Variants in FOXP1 observed in about 807,000 individuals in gnomAD.
FOXP1 encodes forkhead box protein P1.
FOXP1 carries 15 observed loss-of-function variants against 98.2 expected under a neutral mutation model. That is an observed-to-expected ratio of 0.15 (90% CI 0.10 to 0.24). FOXP1 has a LOEUF of 0.24. Ranked by LOEUF, FOXP1 falls within the 10% of genes least tolerant of loss-of-function variation. FOXP1 has a pLI of 1.00. For missense variants in FOXP1, 633 were observed against 848.5 expected, an observed-to-expected ratio of 0.75 and a Z score of 3.15; for synonymous variants, 371 against 314.5, an observed-to-expected ratio of 1.18 and a Z score of -1.90.
At chr3:71,136,498 C>A (rs1054733624) in intron 6 of FOXP1, among the ~76,000 whole-genome samples, 55 of 152,068 alleles carry the variant, frequency 3.6e-4, no homozygotes, top group African/African-American at 1.3e-3. Context: ...GCCTTGCCTG[C>A]AAAAGGTAAT....
rs1553780525 is a variant in FOXP1, at chr3:71,208,536, T to TTGTGTGTGTGTGTGTG, written c.-11-10160_-11-10145dup. On this transcript the variant is annotated intron_variant, in intron 5 of 20. Coordinates refer to ENST00000649528, the MANE Select transcript of FOXP1 (RefSeq NM_001349338.3). Reference sequence around the variant, plus strand: ...TTTATCAAAATTCTAGCATTTAAGTTTGTGTGTGTGTGTGTGTGTGTGTGT... The same window carrying TTGTGTGTGTGTGTGTG: ...TTTATCAAAATTCTAGCATTTAAGTTTGTGTGTGTGTGTGTGTGTGTGTGTGTGTGTGTGTGTGTGT... Among the ~76,000 whole-genome samples, 1,095 of 149,414 alleles carry TTGTGTGTGTGTGTGTG rather than the reference T, an allele frequency of 7.3e-3. 17 individuals are homozygous for TTGTGTGTGTGTGTGTG. Among genetic ancestry groups the TTGTGTGTGTGTGTGTG allele is most frequent in the African/African-American group, 0.021 (854 of 40,338 alleles).
At chr3:71,198,807 C>T (rs2063475630) in intron 5 of FOXP1, among the ~76,000 whole-genome samples, 1 of 151,776 alleles carries the variant, frequency 6.6e-6, no homozygotes. Context: ...ATTCTCCTGC[C>T]TCAGCCTCCG....
chr3:71,177,478 T>A (rs2062010211), intron 6 of FOXP1, among the ~76,000 whole-genome samples: 1 of 152,076 alleles, frequency 6.6e-6, no homozygotes, highest in South Asian at 2.1e-4. Context: ...ATGGGAGAAA[T>A]CCTTTCAGAA....
chr3:71,212,905 T>A (rs1319350621), intron 5 of FOXP1, among the ~76,000 whole-genome samples: 1 of 151,452 alleles, frequency 6.6e-6, no homozygotes, highest in Admixed American at 6.6e-5. Context: ...TACAGTATAT[T>A]TTTATGGGAA....
intron 3 of FOXP1, among the ~76,000 whole-genome samples, chr3:71,380,722 A>G (rs1276383669): frequency 2.0e-4 from 12 of 60,164 alleles, no homozygotes; most frequent in Non-Finnish European, 2.5e-4. Flanking sequence ...TTTTTTTTGC[A>G]AAACAATCTT....
chr3:71,176,298 A>G (rs1242685913), intron 6 of FOXP1, among the ~76,000 whole-genome samples: 2 of 152,144 alleles, frequency 1.3e-5, no homozygotes, highest in Admixed American at 6.6e-5. Flanking sequence ...TCAAACTCAA[A>G]ATAGCTGCTT....
At chr3:70,998,056 G>A (rs765475181) in intron 13 of FOXP1, among the ~76,000 whole-genome samples, 11 of 152,196 alleles carry the variant, frequency 7.2e-5, no homozygotes, top group East Asian at 1.9e-4. Flanking sequence ...AGATAAAAGC[G>A]GGTGAGCAGA....
intron 11 of FOXP1, among the ~76,000 whole-genome samples, chr3:71,034,869 A>T (rs750798125): frequency 5.0e-4 from 76 of 152,148 alleles, no homozygotes; most frequent in Non-Finnish European, 7.6e-4. Flanking sequence ...AAGAATGGCA[A>T]GTCACTAGTT....
At chr3:71,389,858 C>CT (rs2080900233) in intron 3 of FOXP1, among the ~76,000 whole-genome samples, 1 of 147,960 alleles carries the variant, frequency 6.8e-6, no homozygotes. Context: ...GGCATTCTGT[C>CT]TTTAAAAAAA....
intron 3 of FOXP1, among the ~76,000 whole-genome samples, chr3:71,440,116 T>C (rs906997134): frequency 6.6e-6 from 1 of 152,176 alleles, no homozygotes; most frequent in African/African-American, 2.4e-5. Context: ...AGTAGAATGC[T>C]GGTTGCCAGG....
At chr3:71,577,455 G>A (rs1291408700) in intron 2 of FOXP1, among the ~76,000 whole-genome samples, 3 of 151,460 alleles carry the variant, frequency 2.0e-5, no homozygotes, top group African/African-American at 7.3e-5. Flanking sequence ...AAAAAAAAAG[G>A]AAAAAAACTA....
At chr3:71,403,126 C>T (rs1174433802) in intron 3 of FOXP1, among the ~76,000 whole-genome samples, 1 of 152,188 alleles carries the variant, frequency 6.6e-6, no homozygotes, top group African/African-American at 2.4e-5. Context: ...GTAGAAATAT[C>T]ATAACCCCAA....
chr3:71,326,409 C>T (rs1410990029), intron 4 of FOXP1, among the ~76,000 whole-genome samples: 1 of 152,116 alleles, frequency 6.6e-6, no homozygotes, highest in Non-Finnish European at 1.5e-5. Flanking sequence ...TAATAAAGCT[C>T]CCAATGATGG....
intron 7 of FOXP1, among the ~76,000 whole-genome samples, chr3:71,080,676 T>C (rs2054311719): frequency 6.6e-6 from 1 of 152,260 alleles, no homozygotes; most frequent in South Asian, 2.1e-4. Flanking sequence ...CACTGTCCTT[T>C]GGAACACTTC....
In FOXP1 at chr3:71,343,415, T is replaced by C. The variant is rs73117126; in HGVS notation, c.-73+15735A>G. Among the ~76,000 whole-genome samples the C allele has an allele frequency of 1.8e-3, 281 of 152,272 alleles. 1 individual carries two copies. Among genetic ancestry groups the C allele is most frequent in the Middle Eastern group, 3.4e-3 (1 of 294 alleles). ...CTAGGAGAGAAAGGACTGAACTAAA[T>C]AAAATAGCTGGATCTTACACCAATA... On this transcript the variant is annotated intron_variant, in intron 4 of 20. Transcript: ENST00000649528.
chr3:71,299,606 GA>G (rs771589044), intron 5 of FOXP1, among the ~76,000 whole-genome samples: 8 of 152,194 alleles, frequency 5.3e-5, no homozygotes, highest in African/African-American at 9.6e-5. Context: ...AGAAGAGTTT[GA>G]TAATATTTGG....
At chr3:71,488,599 C>A (rs577607821) in intron 3 of FOXP1, among the ~76,000 whole-genome samples, 1 of 152,272 alleles carries the variant, frequency 6.6e-6, no homozygotes, top group East Asian at 1.9e-4. Context: ...CCACCTTGGC[C>A]CCTAGCCAGT....
intron 4 of FOXP1, among the ~76,000 whole-genome samples, chr3:71,342,649 C>T (rs901266325): frequency 8.6e-5 from 13 of 151,266 alleles, no homozygotes; most frequent in African/African-American, 2.9e-4. Flanking sequence ...GCCGAGATCA[C>T]GCCATTGCAC....
At chr3:71,124,809 G>A (rs2059043858) in intron 6 of FOXP1, among the ~76,000 whole-genome samples, 1 of 152,174 alleles carries the variant, frequency 6.6e-6, no homozygotes, top group African/African-American at 2.4e-5. Context: ...ACTGCCCCCA[G>A]GCATAAGAGA....
Sources: gnomAD v4.1 joint callset for allele counts (sites outside exome capture counted in the v4.1 genomes callset) on GRCh38, gnomAD v4.1.1 for gene constraint, MANE v1.5 for transcripts, NCBI Gene and HGNC (gene_info 2026-07-23, HGNC 2026-07-21) for gene names.